The following KLRG2 variants were observed in gnomAD, a reference collection of about 807,000 sequenced individuals.
The protein encoded by KLRG2 is killer cell lectin like receptor G2, also known as killer cell lectin-like receptor subfamily G member 2.
In KLRG2, 39 loss-of-function variants were observed where a neutral mutation model predicts 35.4. That is an observed-to-expected ratio of 1.10 (90% CI 0.85 to 1.44). The LOEUF (loss-of-function observed/expected upper bound fraction) is 1.44, where lower values mean the gene tolerates loss of function less well. Ranked by LOEUF, KLRG2 falls within the 40% of genes most tolerant of loss-of-function variation. The pLI, the probability that KLRG2 is intolerant of heterozygous loss-of-function variation, is 0.00. For synonymous variants in KLRG2, 283 were observed against 265.8 expected (o/e 1.06, Z -0.63); for missense variants, 632 against 570.9 (o/e 1.11, Z -1.09).
intron 3 of KLRG2, among the ~76,000 whole-genome samples, chr7:139,474,483 G>T (rs1796814547): frequency 6.6e-6 from 1 of 152,138 alleles, no homozygotes; most frequent in Non-Finnish European, 1.5e-5. Flanking sequence ...TTTTGGCTGG[G>T]CATGGTGGCT....
chr7:139,472,940 GC>G (rs1324264222), intron 3 of KLRG2, among the ~76,000 whole-genome samples: 3 of 152,198 alleles, frequency 2.0e-5, no homozygotes, highest in Non-Finnish European at 4.4e-5. Flanking sequence ...AACCACAGAG[GC>G]TTTTAGAATC....
At chr7:139,437,419 C>T in the KLRG2 span, among the ~76,000 whole-genome samples, 1 of 104,748 alleles carries the variant, frequency 9.5e-6, no homozygotes, top group Non-Finnish European at 1.7e-5. Context: ...AGGGAGACTC[C>T]ATCTCCAAAA....
the KLRG2 span, among the ~76,000 whole-genome samples, chr7:139,447,406 T>C: frequency 0.021 from 3,208 of 150,842 alleles, 110 homozygotes; most frequent in African/African-American, 0.075. Flanking sequence ...GTCATTCTTT[T>C]TTTTTTTTTT....
the KLRG2 span, among the ~76,000 whole-genome samples, chr7:139,433,497 G>A: frequency 3.9e-5 from 6 of 151,948 alleles, no homozygotes; most frequent in East Asian, 1.2e-3. Context: ...GGCTAATTTT[G>A]TATTTTTTAG....
At chr7:139,433,068 G>A in the KLRG2 span, among the ~76,000 whole-genome samples, 1 of 152,264 alleles carries the variant, frequency 6.6e-6, no homozygotes, top group African/African-American at 2.4e-5. Context: ...GCTTTCTGTG[G>A]TTCCTCCTTG....
chr7:139,447,185 T>C, the KLRG2 span, among the ~76,000 whole-genome samples: 1 of 151,680 alleles, frequency 6.6e-6, no homozygotes, highest in Non-Finnish European at 1.5e-5. Flanking sequence ...TCAGATCAAA[T>C]ACATTTTAAA....
chr7:139,446,348 T>G, the KLRG2 span, among the ~76,000 whole-genome samples: 3 of 146,774 alleles, frequency 2.0e-5, no homozygotes, highest in Admixed American at 6.9e-5. Context: ...TTTTTTTTTT[T>G]TTTTTTTTTT....
intron 3 of KLRG2, among the ~76,000 whole-genome samples, chr7:139,455,218 G>A (rs567836468): frequency 2.8e-4 from 43 of 151,856 alleles, no homozygotes; most frequent in East Asian, 5.8e-4. Context: ...GGGTTTTGCC[G>A]TGTTGGCCTA....
intron 1 of KLRG2, among the ~76,000 whole-genome samples, chr7:139,481,950 GA>G (rs1487645543): frequency 6.6e-6 from 1 of 151,596 alleles, no homozygotes; most frequent in African/African-American, 2.4e-5. Context: ...AAAGAAAAAA[GA>G]AAAAAAGAAA....
the KLRG2 span, among the ~76,000 whole-genome samples, chr7:139,443,376 G>C: frequency 6.6e-6 from 1 of 152,070 alleles, no homozygotes; most frequent in Admixed American, 6.6e-5. Context: ...GTGAGTCACT[G>C]GCACCTGGCC....
the KLRG2 span, among the ~76,000 whole-genome samples, chr7:139,437,763 T>C: frequency 6.6e-6 from 1 of 152,014 alleles, no homozygotes; most frequent in Non-Finnish European, 1.5e-5. Flanking sequence ...CGGCCATCAT[T>C]AGTCATTTTT....
At chr7:139,449,773 C>G (rs1180869194), downstream of KLRG2, among the ~76,000 whole-genome samples, 1 of 142,122 alleles carries the variant, frequency 7.0e-6, no homozygotes, top group Admixed American at 7.4e-5. Context: ...GATCTTGGCT[C>G]ACTGCAAGCT....
intron 3 of KLRG2, among the ~76,000 whole-genome samples, chr7:139,478,405 C>CACACCTGTA (rs1796893546): frequency 6.7e-6 from 1 of 149,996 alleles, no homozygotes; most frequent in Non-Finnish European, 1.5e-5. Context: ...CGCAGTGGCT[C>CACACCTGTA]ACACCTGTAA....
chr7:139,467,158 C>T (rs1237212947), intron 3 of KLRG2, among the ~76,000 whole-genome samples: 1 of 152,102 alleles, frequency 6.6e-6, no homozygotes, highest in Non-Finnish European at 1.5e-5. Flanking sequence ...CCATGTCGCC[C>T]CTAATCCCGC....
At chr7:139,429,006 T>G in the KLRG2 span, among the ~76,000 whole-genome samples, 1 of 152,348 alleles carries the variant, frequency 6.6e-6, no homozygotes, top group Admixed American at 6.5e-5. Flanking sequence ...GGAGGAACTC[T>G]TAGATTTTCC....
intron 3 of KLRG2, among the ~76,000 whole-genome samples, chr7:139,475,105 A>G (rs922089647): frequency 5.3e-5 from 8 of 152,150 alleles, no homozygotes; most frequent in African/African-American, 1.7e-4. Context: ...TTTCTGCCCA[A>G]TCAAATCTTG....
the KLRG2 span, among the ~76,000 whole-genome samples, chr7:139,431,113 A>G: frequency 3.0e-5 from 2 of 66,606 alleles, no homozygotes; most frequent in African/African-American, 8.2e-4. Context: ...ATGCTGAGCT[A>G]ATAAATCAAA....
the KLRG2 span, among the ~76,000 whole-genome samples, chr7:139,443,936 A>C: frequency 6.6e-6 from 1 of 152,212 alleles, no homozygotes; most frequent in South Asian, 2.1e-4. Context: ...AACCTCAAAA[A>C]TAGGGAAGCC....
the KLRG2 span, among the ~76,000 whole-genome samples, chr7:139,432,204 A>C: frequency 6.6e-6 from 1 of 151,928 alleles, no homozygotes; most frequent in East Asian, 1.9e-4. Flanking sequence ...AAATATTTAA[A>C]ATCTAGCCAG....
Sources: allele counts gnomAD v4.1 joint callset (sites outside exome capture counted in the v4.1 genomes callset), GRCh38; gene constraint gnomAD v4.1.1; transcripts MANE v1.5; gene names NCBI Gene and HGNC (gene_info 2026-07-23, HGNC 2026-07-21).